Variants in FBXL13 observed in about 807,000 individuals in gnomAD.
FBXL13 encodes F-box and leucine-rich repeat protein 13.
FBXL13 carries 67 observed loss-of-function variants against 83.6 expected under a neutral mutation model. That is an observed-to-expected ratio of 0.80 (90% confidence interval 0.66 to 0.98). The LOEUF (loss-of-function observed/expected upper bound fraction) is 0.98. Ranked by LOEUF, FBXL13 falls within the 50% of genes least tolerant of loss-of-function variation. The pLI, the probability that FBXL13 is intolerant of heterozygous loss-of-function variation, is 0.00. For missense variants in FBXL13, 822 were observed against 866.5 expected (o/e 0.95, Z 0.64); for synonymous variants, 272 against 299.5 (o/e 0.91, Z 0.95).
chr7:103,051,380 T>C (rs959357970), intron 2 of FBXL13, among the ~76,000 whole-genome samples: 1 of 152,198 alleles, frequency 6.6e-6, no homozygotes, highest in East Asian at 1.9e-4. Flanking sequence ...GTTTCTGTCG[T>C]GACTTCCAAA....
Position 102,851,966 on chromosome 7 carries a change from G to A in FBXL13, c.1719+2811C>T, listed in dbSNP as rs370802494. ...TTTCCATTCCCATAAAGGATGTTAGGAAGTATGTTTGAGTAACTTAAGTTC... is the reference window on the plus strand; with the variant it reads ...TTTCCATTCCCATAAAGGATGTTAGAAAGTATGTTTGAGTAACTTAAGTTC... On this transcript the variant is annotated intron_variant, in intron 17 of 19. Coordinates refer to ENST00000313221, the Ensembl canonical transcript of FBXL13. Among the ~76,000 whole-genome samples the A allele has an allele frequency of 9.2e-5, 14 of 152,238 alleles. No homozygotes were observed. In the East Asian group the frequency reaches 2.7e-3, roughly 29 times the overall value.
chr7:102,840,605 C>A (rs947044215), intron 17 of FBXL13, among the ~76,000 whole-genome samples: 3 of 152,200 alleles, frequency 2.0e-5, no homozygotes, highest in Non-Finnish European at 4.4e-5. Context: ...CCTATGACCT[C>A]TTCCATTTAA....
At chr7:102,924,359 C>A (rs923015835) in intron 10 of FBXL13, among the ~76,000 whole-genome samples, 1 of 151,744 alleles carries the variant, frequency 6.6e-6, no homozygotes, top group Non-Finnish European at 1.5e-5. Flanking sequence ...ATTCATCTAT[C>A]AAGATTAATT....
intron 17 of FBXL13, among the ~76,000 whole-genome samples, chr7:102,854,347 A>T (rs573785913): frequency 3.5e-4 from 54 of 152,170 alleles, no homozygotes; most frequent in Non-Finnish European, 6.3e-4. Context: ...CAGGAAGGGG[A>T]ACATCACATT....
At chr7:102,987,908 C>G (rs1324988047) in intron 6 of FBXL13, 2 of 152,152 alleles carry the variant, frequency 1.3e-5, no homozygotes, top group Non-Finnish European at 2.9e-5. Context: ...AGTGGAGTTA[C>G]CCAGCAGGCA....
At chr7:103,022,497 T>C (rs1376946187) in intron 6 of FBXL13, among the ~76,000 whole-genome samples, 8 of 149,162 alleles carry the variant, frequency 5.4e-5, no homozygotes, top group South Asian at 2.1e-4. Context: ...ACCAGAAATA[T>C]AGACTAATGG....
At chr7:102,942,370 C>A in intron 8 of FBXL13, 2 of 1,521,032 alleles carry the variant, frequency 1.3e-6, no homozygotes, top group Non-Finnish European at 8.8e-7. Flanking sequence ...GTGGGAGTTG[C>A]CAGACTTTAA....
At chr7:103,017,570 C>T (rs1792516475) in intron 6 of FBXL13, among the ~76,000 whole-genome samples, 1 of 152,084 alleles carries the variant, frequency 6.6e-6, no homozygotes, top group African/African-American at 2.4e-5. Context: ...ACGCTAAAAA[C>T]CTTGAAAAAA....
chr7:102,927,884 A>G (rs1188391760), intron 9 of FBXL13, among the ~76,000 whole-genome samples: 1 of 152,256 alleles, frequency 6.6e-6, no homozygotes, highest in Admixed American at 6.5e-5. Flanking sequence ...CTGTCTTTGA[A>G]AACGTTTGGC....
chr7:103,060,920 G>A (rs1002892033), intron 1 of FBXL13, among the ~76,000 whole-genome samples: 41 of 152,202 alleles, frequency 2.7e-4, no homozygotes, highest in Admixed American at 2.6e-3. Context: ...ATCCCCCTGT[G>A]GGACGGAGAT....
intron 8 of FBXL13, among the ~76,000 whole-genome samples, chr7:102,943,871 T>A (rs1239774920): frequency 6.6e-6 from 1 of 152,178 alleles, no homozygotes; most frequent in East Asian, 1.9e-4. Context: ...TGACAGGAGG[T>A]AGTTTTGCAA....
chr7:103,031,901 C>G (rs1308880382), intron 2 of FBXL13, among the ~76,000 whole-genome samples: 2 of 152,150 alleles, frequency 1.3e-5, no homozygotes, highest in Non-Finnish European at 2.9e-5. Context: ...GGCTCACTTC[C>G]CAAGATTCCT....
intron 11 of FBXL13, among the ~76,000 whole-genome samples, chr7:102,899,943 A>G (rs1390020774): frequency 6.6e-6 from 1 of 152,106 alleles, no homozygotes; most frequent in Non-Finnish European, 1.5e-5. Context: ...GCTACTCAGG[A>G]GGCTGAGGCA....
intron 1 of FBXL13, among the ~76,000 whole-genome samples, chr7:103,069,696 G>A (rs1798742537): frequency 6.6e-6 from 1 of 152,212 alleles, no homozygotes; most frequent in African/African-American, 2.4e-5. Context: ...CCTATACAGA[G>A]GAAAGGACGA....
intron 6 of FBXL13, among the ~76,000 whole-genome samples, chr7:103,022,076 A>G (rs1397770293): frequency 1.6e-4 from 24 of 152,254 alleles, no homozygotes; most frequent in Admixed American, 1.6e-3. Flanking sequence ...ACTTGGAACC[A>G]ACCCAAATGT....
At chr7:102,910,198 T>C (rs1039241933) in intron 11 of FBXL13, among the ~76,000 whole-genome samples, 2 of 152,026 alleles carry the variant, frequency 1.3e-5, no homozygotes, top group African/African-American at 4.8e-5. Flanking sequence ...TGCCTCACAA[T>C]TGGTGTATTT....
intron 10 of FBXL13, among the ~76,000 whole-genome samples, chr7:102,919,317 T>C (rs1816523867): frequency 6.6e-6 from 1 of 152,062 alleles, no homozygotes; most frequent in Non-Finnish European, 1.5e-5. Context: ...AAAAGGCATA[T>C]AGAAATAAAA....
intron 6 of FBXL13, among the ~76,000 whole-genome samples, chr7:103,024,851 A>ATTTTTTTTTTT (rs1396002258): frequency 1.1e-5 from 1 of 94,994 alleles, no homozygotes; most frequent in South Asian, 3.5e-4. Context: ...ATATATATAT[A>ATTTTTTTTTTT]TATATATTTT....
intron 16 of FBXL13, among the ~76,000 whole-genome samples, chr7:102,868,497 T>C (rs1043522038): frequency 2.0e-5 from 3 of 152,212 alleles, no homozygotes; most frequent in Non-Finnish European, 4.4e-5. Context: ...ATTTCACTCT[T>C]TTTTGGGCTG....
Sources: allele counts gnomAD v4.1 joint callset (sites outside exome capture counted in the v4.1 genomes callset), GRCh38; gene constraint gnomAD v4.1.1; transcripts MANE v1.5; gene names NCBI Gene and HGNC (gene_info 2026-07-23, HGNC 2026-07-21).